CA10: variants seen among roughly 807,000 people sequenced by gnomAD.
The protein encoded by CA10 is carbonic anhydrase-related protein 10.
Under a neutral mutation model 44.2 loss-of-function variants are expected in CA10, and 14 were observed. The ratio of observed to expected loss-of-function variants is 0.32; its 90% CI spans 0.21 to 0.50. The LOEUF (loss-of-function observed/expected upper bound fraction) is 0.50. Ranked by LOEUF, CA10 falls within the 20% of genes least tolerant of loss-of-function variation. The pLI is 0.99. For synonymous variants in CA10, 159 were observed against 141.6 expected (o/e 1.12, Z -0.87); for missense variants, 350 against 409.7 (o/e 0.85, Z 1.26).
chr17:52,087,041 C>T (rs1472656613), intron 1 of CA10, among the ~76,000 whole-genome samples: 1 of 152,210 alleles, frequency 6.6e-6, no homozygotes, highest in African/African-American at 2.4e-5. Flanking sequence ...CTTTCTTACT[C>T]ACCATTTGCC....
intron 4 of CA10, among the ~76,000 whole-genome samples, chr17:51,736,802 C>T (rs1916929307): frequency 6.6e-6 from 1 of 152,116 alleles, no homozygotes; most frequent in Admixed American, 6.5e-5. Flanking sequence ...TGTACAGTAG[C>T]TTCCATCTGG....
chr17:51,797,511 T>C (rs1233887855), intron 3 of CA10, among the ~76,000 whole-genome samples: 1 of 151,904 alleles, frequency 6.6e-6, no homozygotes, highest in Non-Finnish European at 1.5e-5. Flanking sequence ...CCACCACCCC[T>C]GGCATACTGA....
intron 2 of CA10, among the ~76,000 whole-genome samples, chr17:52,015,313 T>C (rs1346932375): frequency 2.0e-5 from 3 of 152,142 alleles, no homozygotes; most frequent in Non-Finnish European, 4.4e-5. Flanking sequence ...GATGACTTGA[T>C]GTAAGTTGCA....
chr17:51,979,285 G>A, intron 2 of CA10, among the ~76,000 whole-genome samples: 1 of 152,066 alleles, frequency 6.6e-6, no homozygotes, highest in East Asian at 1.9e-4. Context: ...CAAAGAACTT[G>A]TACCCAGAAC....
intron 3 of CA10, among the ~76,000 whole-genome samples, chr17:51,863,882 C>A (rs1979426534): frequency 6.6e-6 from 1 of 152,190 alleles, no homozygotes; most frequent in Admixed American, 6.5e-5. Context: ...ACCGGGAAAG[C>A]TCACCTGAGC....
intron 4 of CA10, among the ~76,000 whole-genome samples, chr17:51,703,902 C>T (rs1285267811): frequency 6.6e-6 from 1 of 150,588 alleles, no homozygotes; most frequent in Non-Finnish European, 1.5e-5. Flanking sequence ...AGTTTATCAC[C>T]TTCTTTCAGG....
intron 2 of CA10, among the ~76,000 whole-genome samples, chr17:52,054,193 C>G (rs1418173837): frequency 1.3e-5 from 2 of 152,138 alleles, no homozygotes; most frequent in African/African-American, 4.8e-5. Flanking sequence ...TTTTTCTCAG[C>G]AAGGAACATC....
In CA10 at chr17:51,908,176, G is replaced by A. The variant is rs374388935; in HGVS notation, c.279+22814C>T. Among the ~76,000 whole-genome samples, 8 of 152,212 alleles carry A rather than the reference G, an allele frequency of 5.3e-5. No homozygotes were observed. In the East Asian group the frequency reaches 1.4e-3, roughly 26 times the overall value. ...CAGTTCCATTTGAAATTCTGCCCTTGCTTCTGCATGCACCTGGTACCAGAT... is the reference window on the plus strand; with the variant it reads ...CAGTTCCATTTGAAATTCTGCCCTTACTTCTGCATGCACCTGGTACCAGAT... On this transcript the variant is annotated intron_variant, in intron 3 of 8. Transcript: ENST00000451037.
chr17:52,033,481 T>A (rs1986527284), intron 2 of CA10, among the ~76,000 whole-genome samples: 1 of 151,412 alleles, frequency 6.6e-6, no homozygotes, highest in African/African-American at 2.4e-5. Context: ...TGCATATTGT[T>A]TATCATAGCG....
At chr17:51,675,282 G>A (rs201522440) in intron 4 of CA10, among the ~76,000 whole-genome samples, 13 of 152,240 alleles carry the variant, frequency 8.5e-5, no homozygotes, top group South Asian at 2.1e-4. Flanking sequence ...GTTCTCAGTC[G>A]GGCATGGTGG....
chr17:51,681,280 T>C (rs777773451), intron 4 of CA10, among the ~76,000 whole-genome samples: 28 of 152,232 alleles, frequency 1.8e-4, no homozygotes, highest in Non-Finnish European at 3.5e-4. Flanking sequence ...ATTGGGGCCC[T>C]CAGGGGTGCC....
intron 3 of CA10, among the ~76,000 whole-genome samples, chr17:51,818,924 T>C (rs1282225251): frequency 1.3e-5 from 2 of 152,200 alleles, no homozygotes; most frequent in African/African-American, 4.8e-5. Context: ...ACACTATAAA[T>C]GCAGCTGTTA....
chr17:52,024,553 G>A (rs75412209), intron 2 of CA10, among the ~76,000 whole-genome samples: 2,409 of 152,050 alleles, frequency 0.016, 28 homozygotes, highest in Non-Finnish European at 0.026. Context: ...AAGCCAAAGG[G>A]AAGCAGAGGA....
intron 3 of CA10, chr17:51,763,396 T>C (rs1479960884): frequency 2.0e-5 from 3 of 152,142 alleles, no homozygotes; most frequent in Non-Finnish European, 4.4e-5. Context: ...ATGACAAAAG[T>C]ATTGAGTGGT....
intron 1 of CA10, among the ~76,000 whole-genome samples, chr17:52,126,525 T>C (rs1989123998): frequency 6.6e-6 from 1 of 152,242 alleles, no homozygotes; most frequent in Admixed American, 6.5e-5. Context: ...TGCTGTGCCC[T>C]TGAAAGCATC....
At chr17:52,097,676 T>C (rs1398202169) in intron 1 of CA10, among the ~76,000 whole-genome samples, 1 of 152,170 alleles carries the variant, frequency 6.6e-6, no homozygotes, top group Non-Finnish European at 1.5e-5. Context: ...ATTTATTCAT[T>C]TCAGCAAACA....
At chr17:52,153,117 G>A (rs1049717361) in intron 1 of CA10, among the ~76,000 whole-genome samples, 6 of 152,042 alleles carry the variant, frequency 3.9e-5, no homozygotes, top group African/African-American at 1.4e-4. Context: ...CCCAGCCAAG[G>A]GACTGGGTAT....
chr17:51,831,712 CAGCAGCAGCAGCAGCAGCAGA>C (rs1567854632), intron 3 of CA10, among the ~76,000 whole-genome samples: 1 of 149,316 alleles, frequency 6.7e-6, no homozygotes, highest in Non-Finnish European at 1.5e-5. Flanking sequence ...GCAGCAGCAG[CAGCAGCAGCAGCAGCAGCAGA>C]AAAAGACCTT....
At chr17:52,129,055 A>G (rs1051592881) in intron 1 of CA10, among the ~76,000 whole-genome samples, 2 of 152,162 alleles carry the variant, frequency 1.3e-5, no homozygotes, top group African/African-American at 4.8e-5. Context: ...TCAGTGTTCT[A>G]TTGAAAGAAG....
Sources: allele counts gnomAD v4.1 joint callset (sites outside exome capture counted in the v4.1 genomes callset), GRCh38; gene constraint gnomAD v4.1.1; transcripts MANE v1.5; gene names NCBI Gene and HGNC (gene_info 2026-07-23, HGNC 2026-07-21).